Variants in KLRK1 observed in about 807,000 individuals in gnomAD.
The protein encoded by KLRK1 is killer cell lectin like receptor K1, also known as NKG2-D type II integral membrane protein.
A neutral mutation model predicts 31.3 loss-of-function variants in KLRK1; 40 were observed. The observed-to-expected ratio is 1.28, with a 90% CI of 0.99 to 1.67. The LOEUF is 1.67. KLRK1 is among the 40% of genes most tolerant of loss of function. The pLI is 0.00. For synonymous variants in KLRK1, 77 were observed against 77.3 expected (o/e 1.00, Z 0.02); for missense variants, 251 against 260.0 (o/e 0.97, Z 0.24).
chr12:10,375,899 A>AAAAG (rs1387463352), intron 7 of KLRK1, among the ~76,000 whole-genome samples: 2 of 152,240 alleles, frequency 1.3e-5, no homozygotes, highest in African/African-American at 4.8e-5. Flanking sequence ...TCAAGTGGGT[A>AAAAG]AAAGAGCAGG....
chr12:10,378,287 G>A, intron 6 of KLRK1, 52 bp from the exon 7 acceptor site: 2 of 1,562,104 alleles, frequency 1.3e-6, no homozygotes, highest in Non-Finnish European at 1.8e-6. Flanking sequence ...GATAATTTTA[G>A]TAAACGCAAG....
intron 3 of KLRK1, 116 bp from the exon 4 acceptor site, chr12:10,379,908 T>G: frequency 1.1e-6 from 1 of 925,838 alleles, no homozygotes; most frequent in South Asian, 2.4e-5. Context: ...ATCCTTTTTC[T>G]GCCTTAATAA....
chr12:10,386,375 A>C (rs1014685478), intron 3 of KLRK1, among the ~76,000 whole-genome samples: 5 of 152,064 alleles, frequency 3.3e-5, no homozygotes, highest in African/African-American at 4.8e-5. Context: ...ATTTGTTAAT[A>C]ATTTGTTTCT....
rs538841299 is a variant in KLRK1 at position 10,388,146 on chromosome 12, A to G, written c.40+625T>C. 1.1e-4 allele frequency among the ~76,000 whole-genome samples: 16 copies of G among 152,294 alleles called. 1 individual carries two copies. The South Asian group carries it at 3.3e-3, about 32-fold the overall frequency. On this transcript the variant is annotated intron_variant, in intron 2 of 7. Coordinates refer to ENST00000240618, the MANE Select transcript of KLRK1 (RefSeq NM_007360.4). ...ATATGAATTATATTTTATAGGTAAAATTAGACATTGATTGCGCATGTAATA... is the reference window on the plus strand; with the variant it reads ...ATATGAATTATATTTTATAGGTAAAGTTAGACATTGATTGCGCATGTAATA...
rs376297501 is a variant in KLRK1 at position 10,376,941 on chromosome 12, C to T, written c.533+1191G>A. On this transcript the variant is annotated intron_variant, in intron 7 of 7. Coordinates refer to ENST00000240618, the MANE Select transcript of KLRK1 (RefSeq NM_007360.4). ...AAGCCATTCCCCTGCCTCAGCCTCC[C>T]GAGTAGCTGGGATTACAGACACCTG... Among the ~76,000 whole-genome samples, 14 of 152,150 alleles carry T rather than the reference C, an allele frequency of 9.2e-5. 1 individual carries two copies. Among genetic ancestry groups the T allele is most frequent in the Admixed American group, 4.6e-4 (7 of 15,290 alleles).
intron 3 of KLRK1, among the ~76,000 whole-genome samples, chr12:10,385,280 C>A (rs2126889): frequency 0.75 from 112,929 of 151,484 alleles, 42,967 homozygotes; most frequent in South Asian, 0.88. Flanking sequence ...ACGTCTGCAC[C>A]CCCATGTTTA....
intron 7 of KLRK1, among the ~76,000 whole-genome samples, chr12:10,376,814 T>C (rs1209516694): frequency 3.0e-5 from 4 of 134,992 alleles, no homozygotes; most frequent in Non-Finnish European, 5.9e-5. Context: ...AATTTACTTA[T>C]TTATTTATTT....
chr12:10,377,605 G>A (rs1033590240), intron 7 of KLRK1, among the ~76,000 whole-genome samples: 6 of 152,196 alleles, frequency 3.9e-5, no homozygotes, highest in Non-Finnish European at 5.9e-5. Flanking sequence ...AAAACTGATT[G>A]ACTGGAAAGA....
intron 3 of KLRK1, among the ~76,000 whole-genome samples, chr12:10,380,131 T>A (rs1206595131): frequency 4.1e-5 from 6 of 145,528 alleles, no homozygotes; most frequent in South Asian, 2.3e-4. Context: ...AGTGGCGCGA[T>A]CTCGGCTCAC....
At chr12:10,388,249 G>C (rs924537557) in intron 2 of KLRK1, among the ~76,000 whole-genome samples, 1 of 151,980 alleles carries the variant, frequency 6.6e-6, no homozygotes, top group Non-Finnish European at 1.5e-5. Flanking sequence ...TGCTAGAGAT[G>C]GCCAAAATCA....
At chr12:10,382,978 C>A (rs1863104049) in intron 3 of KLRK1, among the ~76,000 whole-genome samples, 1 of 151,904 alleles carries the variant, frequency 6.6e-6, no homozygotes, top group Non-Finnish European at 1.5e-5. Context: ...TTGTAAGTCT[C>A]ACAGTAACCA....
chr12:10,389,432 T>A (rs1468890121), intron 1 of KLRK1, among the ~76,000 whole-genome samples: 1 of 152,186 alleles, frequency 6.6e-6, no homozygotes. Flanking sequence ...ATCTTAGCAA[T>A]GCACAGCAGA....
intron 7 of KLRK1, among the ~76,000 whole-genome samples, chr12:10,375,339 T>C (rs1862945071): frequency 6.6e-6 from 1 of 152,214 alleles, no homozygotes; most frequent in African/African-American, 2.4e-5. Context: ...TGAGTCCTCA[T>C]TGCAACAATT....
intron 5 of KLRK1, 181 bp downstream of exon 5, chr12:10,379,266 C>A: frequency 5.3e-6 from 1 of 189,312 alleles, no homozygotes. Context: ...GATGTCAAAC[C>A]TAAGTAGCCT....
In KLRK1 at chr12:10,372,541, G is replaced by C. The variant is rs1181930433; in HGVS notation, c.*573C>G. The C allele has an allele frequency of 7.2e-6, 1 of 138,348 alleles. No individual in the cohort carries two copies. The allele number at this position is 138,348 out of a possible 1,614,324, so 8.6% of individuals were successfully genotyped here. A position where few individuals can be genotyped will look rare whatever the true frequency, so the allele number is the denominator to read the frequency against. On this transcript the variant is annotated 3_prime_UTR_variant, in exon 8 of 8. Transcript: ENST00000240618. ...GGGACTCAAGCAAGTACAAATCATA[G>C]CAAAGGAAACGTCCTAAGATCTTAC... is the stretch of plus-strand genomic sequence containing the variant.
At chr12:10,375,111 C>A (rs1337743758) in intron 7 of KLRK1, among the ~76,000 whole-genome samples, 1 of 152,012 alleles carries the variant, frequency 6.6e-6, no homozygotes, top group Admixed American at 6.6e-5. Flanking sequence ...ACTGGGGCTT[C>A]CAAATTACAA....
rs536806455 is a variant in KLRK1 at position 10,381,237 on chromosome 12, A to ATGAT, written c.149-1449_149-1446dup. On this transcript the variant is annotated intron_variant, in intron 3 of 7. Coordinates refer to ENST00000240618, the MANE Select transcript of KLRK1 (RefSeq NM_007360.4). Reference sequence around the variant, plus strand: ...CAGCAGCAGGCCAGAAAAGCATGGGATGATATATTCAAAATGCCAAAAAAA... The same window carrying ATGAT: ...CAGCAGCAGGCCAGAAAAGCATGGGATGATTGATATATTCAAAATGCCAAAAAAA... 1.5e-4 allele frequency among the ~76,000 whole-genome samples: 22 copies of ATGAT among 145,732 alleles called. No individual in the cohort carries two copies. In the East Asian group the frequency reaches 4.3e-3, roughly 29 times the overall value.
chr12:10,375,555 C>T lies in KLRK1; in HGVS notation c.534-2324G>A, dbSNP rs562644427. On this transcript the variant is annotated intron_variant, in intron 7 of 7. Coordinates refer to ENST00000240618, the MANE Select transcript of KLRK1 (RefSeq NM_007360.4). ...TTGATATTGTTGTGACTTTTTATTA[C>T]ATTGAAGAATTGGAAATTCAAATAT... is the stretch of plus-strand genomic sequence containing the variant. 1.2e-4 allele frequency among the ~76,000 whole-genome samples: 18 copies of T among 152,210 alleles called. No homozygotes were observed. The South Asian group carries it at 2.5e-3, about 21-fold the overall frequency.
intron 7 of KLRK1, among the ~76,000 whole-genome samples, chr12:10,374,400 T>C (rs1448911350): frequency 3.5e-4 from 51 of 147,270 alleles, no homozygotes; most frequent in South Asian, 1.5e-3. Flanking sequence ...TCTCTCTCTT[T>C]TTTTTTTTTT....
Sources: allele counts gnomAD v4.1 joint callset (sites outside exome capture counted in the v4.1 genomes callset), GRCh38; gene constraint gnomAD v4.1.1; transcripts MANE v1.5; gene names NCBI Gene and HGNC (gene_info 2026-07-23, HGNC 2026-07-21).